The following UHRF1 variants were observed in gnomAD, a reference collection of about 807,000 sequenced individuals.
UHRF1 encodes ubiquitin like with PHD and ring finger domains 1.
UHRF1 carries 9 observed loss-of-function variants against 96.5 expected under a neutral mutation model. The observed-to-expected ratio is 0.09, with a 90% CI of 0.06 to 0.16. The LOEUF (loss-of-function observed/expected upper bound fraction) is 0.16, where lower values mean the gene tolerates loss of function less well. UHRF1 is among the 10% of genes least tolerant of loss of function. UHRF1 has a pLI of 1.00. For synonymous variants in UHRF1, 455 were observed against 469.9 expected (o/e 0.97, Z 0.41); for missense variants, 626 against 1,131.1 (o/e 0.55, Z 6.40).
At chr19:4,926,782 AG>A (rs1276139564) in intron 2 of UHRF1, among the ~76,000 whole-genome samples, 1 of 150,952 alleles carries the variant, frequency 6.6e-6, no homozygotes, top group Non-Finnish European at 1.5e-5. Context: ...AAAAAAAAAA[AG>A]TCCGGGTGCA....
At chr19:4,929,122 C>G (rs566055334) in intron 2 of UHRF1, 100 bp from the exon 3 acceptor site, 6 of 1,439,180 alleles carry the variant, frequency 4.2e-6, no homozygotes, top group South Asian at 2.7e-5. Flanking sequence ...GCCCCCCCCC[C>G]ACAAGGGCTG....
rs58265863 is a variant in UHRF1 at position 4,955,267 on chromosome 19, C to A, written c.2130+445C>A. ...AAGTCAGGGCAGGGATAGGGCTGGG[C>A]CCTCCTGGGGGCTCCAGGGGAGAAC... On this transcript the variant is annotated intron_variant, in intron 15 of 16. Transcript: ENST00000650932. 8.4e-3 allele frequency among the ~76,000 whole-genome samples: 1,277 copies of A among 152,196 alleles called. 18 individuals are homozygous for A. The highest frequency in any genetic ancestry group is 0.028 in the African/African-American group (1,182 of 41,532).
In UHRF1 at chr19:4,935,382, C is replaced by T. The variant is rs145868371; in HGVS notation, c.785+2426C>T. ...TGATTGTGAGGCCTCCCCAGCCATGCGGAACTGTGAGTCCATTAAACCTCT... is the reference window on the plus strand; with the variant it reads ...TGATTGTGAGGCCTCCCCAGCCATGTGGAACTGTGAGTCCATTAAACCTCT... On this transcript the variant is annotated intron_variant, in intron 5 of 16. Coordinates refer to ENST00000650932, the MANE Select transcript of UHRF1 (RefSeq NM_001048201.3). Among the ~76,000 whole-genome samples the T allele has an allele frequency of 1.7e-4, 26 of 152,306 alleles. 1 individual carries two copies. The highest frequency in any genetic ancestry group is 3.3e-4 in the Admixed American group (5 of 15,298).
chr19:4,911,045 C>T lies in UHRF1; in HGVS notation c.153+7C>T. On this transcript the variant is annotated splice_region_variant and intron_variant, in intron 2 of 16. Coordinates refer to ENST00000650932, the MANE Select transcript of UHRF1 (RefSeq NM_001048201.3). ...GTTCTACAGGGGCAAACAGGTACACCCGCCGCCAGCACCTTTGTTCTATGC... is the reference window on the plus strand; with the variant it reads ...GTTCTACAGGGGCAAACAGGTACACTCGCCGCCAGCACCTTTGTTCTATGC... 1 of 1,575,362 alleles carries T rather than the reference C, an allele frequency of 6.3e-7. No homozygotes were observed. The highest frequency in any genetic ancestry group is 8.6e-7 in the Non-Finnish European group (1 of 1,157,238).
intron 2 of UHRF1, among the ~76,000 whole-genome samples, chr19:4,924,274 C>T (rs890990036): frequency 3.9e-5 from 6 of 151,926 alleles, no homozygotes; most frequent in Admixed American, 1.3e-4. Flanking sequence ...CTCAGCCTCC[C>T]GAGTAGCTGG....
intron 2 of UHRF1, among the ~76,000 whole-genome samples, chr19:4,914,397 CTT>C (rs974034954): frequency 6.6e-6 from 1 of 151,552 alleles, no homozygotes; most frequent in African/African-American, 2.4e-5. Context: ...TGTTCACAGT[CTT>C]TTTTTTTCCC....
intron 8 of UHRF1, 24 bp from the exon 9 acceptor site, chr19:4,944,319 T>A (rs2033499557): frequency 6.2e-7 from 1 of 1,613,884 alleles, no homozygotes; most frequent in Non-Finnish European, 8.5e-7. Flanking sequence ...ACGCTGTTGT[T>A]CTTTGTGTCT....
intron 13 of UHRF1, among the ~76,000 whole-genome samples, chr19:4,953,412 G>C (rs779814153): frequency 7.9e-5 from 12 of 152,094 alleles, no homozygotes; most frequent in Non-Finnish European, 1.3e-4. Flanking sequence ...CGCATCTTAG[G>C]CTTCTCTTTA....
At chr19:4,938,730 G>GT (rs71170880) in intron 5 of UHRF1, among the ~76,000 whole-genome samples, 3,426 of 61,430 alleles carry the variant, frequency 0.056, 493 homozygotes, top group Non-Finnish European at 0.067. Context: ...TTTTGGTCAG[G>GT]TTTTTTTTTT....
chr19:4,919,060 T>C (rs2032618256), intron 2 of UHRF1, among the ~76,000 whole-genome samples: 1 of 146,896 alleles, frequency 6.8e-6, no homozygotes. Context: ...AGTGTATCAG[T>C]GTCTCCCAGG....
intron 16 of UHRF1, 129 bp from the exon 17 acceptor site, chr19:4,960,528 G>A: frequency 7.5e-7 from 1 of 1,336,664 alleles, no homozygotes; most frequent in Non-Finnish European, 1.0e-6. Flanking sequence ...GCAGCAGGTG[G>A]AAAGTGAGAC....
intron 15 of UHRF1, among the ~76,000 whole-genome samples, chr19:4,955,120 C>T (rs2033823436): frequency 6.6e-6 from 1 of 152,082 alleles, no homozygotes; most frequent in Admixed American, 6.5e-5. Context: ...CACCCCCTGC[C>T]ATCCTACCTT....
chr19:4,958,918 C>T (rs2033922678), intron 16 of UHRF1, among the ~76,000 whole-genome samples: 1 of 149,620 alleles, frequency 6.7e-6, no homozygotes. Flanking sequence ...GCTGAGATCG[C>T]GCCATTGTAC....
At chr19:4,924,364 T>C (rs2032800270) in intron 2 of UHRF1, among the ~76,000 whole-genome samples, 1 of 152,152 alleles carries the variant, frequency 6.6e-6, no homozygotes, top group Non-Finnish European at 1.5e-5. Flanking sequence ...TTAGCCAGGA[T>C]GGTCTTGATC....
chr19:4,949,577 C>T (rs2033663515), intron 11 of UHRF1, among the ~76,000 whole-genome samples: 1 of 152,016 alleles, frequency 6.6e-6, no homozygotes, highest in South Asian at 2.1e-4. Flanking sequence ...GCCTGTCGTT[C>T]CAGTACTTTG....
At chr19:4,903,739 A>G (rs76258579) in intron 1 of UHRF1, 1 of 151,816 alleles carries the variant, frequency 6.6e-6, no homozygotes, top group South Asian at 2.1e-4. Context: ...GTGGCCTCAC[A>G]TGATTCGCCT....
In UHRF1 at chr19:4,954,638, A is replaced by G; in HGVS notation, c.1958-12A>G. ...CACGCGCCCCTCCCTCACGCGCCCC[A>G]CCCTCTTCCAGGAGGTGGCCCGAGC... On this transcript the variant is annotated splice_polypyrimidine_tract_variant and intron_variant, in intron 14 of 16. Transcript: ENST00000650932. The surrounding 1 kb of genome is among the most constrained non-coding windows in gnomAD (Gnocchi z 5.9). 1 of 1,611,202 alleles carries G rather than the reference A, an allele frequency of 6.2e-7. No individual in the cohort carries two copies. Among genetic ancestry groups the G allele is most frequent in the Non-Finnish European group, 8.5e-7 (1 of 1,178,748 alleles).
chr19:4,956,879 C>T (rs752708889), intron 16 of UHRF1, 66 bp downstream of exon 16: 47 of 1,101,242 alleles, frequency 4.3e-5, no homozygotes, highest in Non-Finnish European at 5.7e-5. Context: ...CTCCCGTTCC[C>T]ACATGCCTGC....
intron 2 of UHRF1, among the ~76,000 whole-genome samples, chr19:4,922,358 T>G (rs1469001361): frequency 6.6e-6 from 1 of 151,100 alleles, no homozygotes; most frequent in African/African-American, 2.4e-5. Context: ...CTCTGCCTCC[T>G]GGGTTCAAGC....
Sources: allele counts gnomAD v4.1 joint callset (sites outside exome capture counted in the v4.1 genomes callset), GRCh38; gene constraint gnomAD v4.1.1; non-coding constraint Gnocchi (gnomAD v3.1); transcripts MANE v1.5; gene names NCBI Gene and HGNC (gene_info 2026-07-23, HGNC 2026-07-21).